The following CPNE4 variants were observed in gnomAD, a reference collection of about 807,000 sequenced individuals.
CPNE4 encodes the protein copine-4.
In CPNE4, 25 loss-of-function variants were observed where a neutral mutation model predicts 67.9. That is an observed-to-expected ratio of 0.37 (90% CI 0.27 to 0.51). The LOEUF is 0.51. CPNE4 is among the 20% of genes least tolerant of loss of function. CPNE4 has a pLI of 0.93. For missense variants in CPNE4, 464 were observed against 690.8 expected (o/e 0.67, Z 3.68); for synonymous variants, 242 against 244.9 (o/e 0.99, Z 0.11).
At chr3:131,742,981 G>T (rs2082393324) in intron 2 of CPNE4, among the ~76,000 whole-genome samples, 1 of 151,954 alleles carries the variant, frequency 6.6e-6, no homozygotes, top group Non-Finnish European at 1.5e-5. Context: ...GAATAAACTA[G>T]AGGATGAATT....
At chr3:131,923,848 C>T (rs148745332) in intron 1 of CPNE4, among the ~76,000 whole-genome samples, 1 of 151,938 alleles carries the variant, frequency 6.6e-6, no homozygotes, top group East Asian at 1.9e-4. Flanking sequence ...AAAATGACTC[C>T]CATACCACCC....
intron 2 of CPNE4, among the ~76,000 whole-genome samples, chr3:131,837,191 A>T (rs1330724759): frequency 6.6e-6 from 1 of 152,110 alleles, no homozygotes; most frequent in African/African-American, 2.4e-5. Flanking sequence ...ACTGACAAAT[A>T]TGACTGAGCA....
chr3:131,873,089 T>C (rs2087289099), intron 2 of CPNE4, among the ~76,000 whole-genome samples: 1 of 152,232 alleles, frequency 6.6e-6, no homozygotes, highest in South Asian at 2.1e-4. Flanking sequence ...TATCAACTTT[T>C]AATGAAAAGA....
intron 2 of CPNE4, among the ~76,000 whole-genome samples, chr3:131,864,649 CA>C (rs1349669168): frequency 6.6e-6 from 1 of 151,972 alleles, no homozygotes; most frequent in Non-Finnish European, 1.5e-5. Context: ...ATGCCATCTG[CA>C]AACAGGGACA....
intron 1 of CPNE4, among the ~76,000 whole-genome samples, chr3:131,979,221 T>C (rs1477013102): frequency 2.6e-5 from 4 of 152,124 alleles, no homozygotes; most frequent in African/African-American, 9.7e-5. Flanking sequence ...TTGTTCCATA[T>C]AGTTTAAATC....
intron 2 of CPNE4, among the ~76,000 whole-genome samples, chr3:131,786,924 A>G (rs765788698): frequency 6.6e-6 from 1 of 152,136 alleles, no homozygotes; most frequent in Non-Finnish European, 1.5e-5. Context: ...TCCTTCTACA[A>G]TCACATTCTG....
chr3:131,590,057 A>T (rs1938433910), intron 7 of CPNE4, among the ~76,000 whole-genome samples: 1 of 152,106 alleles, frequency 6.6e-6, no homozygotes, highest in Non-Finnish European at 1.5e-5. Context: ...GGAAACTATG[A>T]TGTCTAATTT....
At chr3:131,835,569 A>G (rs2085524077) in intron 2 of CPNE4, among the ~76,000 whole-genome samples, 1 of 151,670 alleles carries the variant, frequency 6.6e-6, no homozygotes, top group South Asian at 2.1e-4. Context: ...TCCTCCATTC[A>G]GAGGACTGAC....
At chr3:131,942,236 C>G (rs564174947) in intron 1 of CPNE4, among the ~76,000 whole-genome samples, 2 of 152,036 alleles carry the variant, frequency 1.3e-5, no homozygotes, top group Admixed American at 6.6e-5. Context: ...ATTGCTTTCT[C>G]TCTCTTTAAA....
intron 1 of CPNE4, among the ~76,000 whole-genome samples, chr3:132,028,924 CTT>C (rs67866239): frequency 3.0e-4 from 43 of 142,464 alleles, no homozygotes; most frequent in Non-Finnish European, 4.0e-4. Context: ...CTTAATTTTT[CTT>C]TTTTTTTTTT....
chr3:132,014,295 C>A (rs185108988), intron 1 of CPNE4, among the ~76,000 whole-genome samples: 129 of 152,204 alleles, frequency 8.5e-4, no homozygotes, highest in African/African-American at 3.0e-3. Context: ...GAACAAATGA[C>A]CCCTGGGCCA....
At chr3:131,815,059 A>G (rs2084684239) in intron 2 of CPNE4, among the ~76,000 whole-genome samples, 1 of 152,192 alleles carries the variant, frequency 6.6e-6, no homozygotes, top group African/African-American at 2.4e-5. Context: ...GAAGAGTTAA[A>G]TACGTATAGT....
chr3:131,977,928 G>C (rs908025936), intron 1 of CPNE4, among the ~76,000 whole-genome samples: 1 of 149,788 alleles, frequency 6.7e-6, no homozygotes, highest in Non-Finnish European at 1.5e-5. Context: ...GAGAACATAC[G>C]ATGTTTGGTT....
At chr3:131,801,336 CAT>C (rs148213976) in intron 2 of CPNE4, among the ~76,000 whole-genome samples, 66 of 122,830 alleles carry the variant, frequency 5.4e-4, no homozygotes, top group African/African-American at 2.2e-3. Flanking sequence ...GGAAACCATA[CAT>C]ATATATATAT....
At chr3:131,635,120 C>T (rs73001242) in intron 7 of CPNE4, among the ~76,000 whole-genome samples, 2,375 of 152,164 alleles carry the variant, frequency 0.016, 53 homozygotes, top group African/African-American at 0.049. Context: ...GTATTTTCCA[C>T]GATTTTTCTC....
chr3:131,665,585 G>C (rs376564714), intron 7 of CPNE4, among the ~76,000 whole-genome samples: 2 of 152,088 alleles, frequency 1.3e-5, no homozygotes, highest in African/African-American at 4.8e-5. Context: ...CTTGAACCTG[G>C]GAGGCAGAGG....
chr3:131,705,967 G>A (rs2081405436), intron 3 of CPNE4, among the ~76,000 whole-genome samples: 1 of 152,100 alleles, frequency 6.6e-6, no homozygotes, highest in African/African-American at 2.4e-5. Context: ...CCCCATCTCC[G>A]CTTCTCATCT....
intron 1 of CPNE4, among the ~76,000 whole-genome samples, chr3:131,910,916 A>G (rs1299508284): frequency 6.6e-6 from 1 of 152,120 alleles, no homozygotes; most frequent in African/African-American, 2.4e-5. Context: ...AATAGAGATG[A>G]TTCTGTTTTC....
At chr3:131,717,874 T>TTTTCTTTCTTTCTC (rs2081747772) in intron 3 of CPNE4, among the ~76,000 whole-genome samples, 2 of 97,060 alleles carry the variant, frequency 2.1e-5, no homozygotes, top group African/African-American at 9.8e-5. Context: ...TCTTTCTTTC[T>TTTTCTTTCTTTCTC]TTTCTTTCTT....
Sources: gnomAD v4.1 joint callset for allele counts (sites outside exome capture counted in the v4.1 genomes callset) on GRCh38, gnomAD v4.1.1 for gene constraint, MANE v1.5 for transcripts, NCBI Gene and HGNC (gene_info 2026-07-23, HGNC 2026-07-21) for gene names.